SH3RF3: variants seen among roughly 807,000 people sequenced by gnomAD.
The protein encoded by SH3RF3 is E3 ubiquitin-protein ligase SH3RF3.
A neutral mutation model predicts 66.3 loss-of-function variants in SH3RF3; 29 were observed. That is an observed-to-expected ratio of 0.44 (90% confidence interval 0.33 to 0.60). SH3RF3 has a LOEUF of 0.60. Among genes scored for constraint, SH3RF3 ranks in the 20% least tolerant of loss-of-function variants. The pLI, the probability that SH3RF3 is intolerant of heterozygous loss-of-function variation, is 0.04. For synonymous variants in SH3RF3, 583 were observed against 532.0 expected, an observed-to-expected ratio of 1.10 and a Z score of -1.32; for missense variants, 1,194 against 1,190.9, an observed-to-expected ratio of 1.00 and a Z score of -0.04.
intron 1 of SH3RF3, among the ~76,000 whole-genome samples, chr2:109,139,266 G>T (rs1676883135): frequency 6.6e-6 from 1 of 152,140 alleles, no homozygotes; most frequent in Admixed American, 6.5e-5. Flanking sequence ...AATGTAGATT[G>T]TGCTAAATTA....
chr2:109,376,333 C>T (rs931499041), intron 3 of SH3RF3, among the ~76,000 whole-genome samples: 1 of 152,184 alleles, frequency 6.6e-6, no homozygotes, highest in Non-Finnish European at 1.5e-5. Context: ...CTCTTGGAAG[C>T]TGTCTTTAAG....
chr2:109,241,768 AT>A (rs201056229), intron 1 of SH3RF3, among the ~76,000 whole-genome samples: 16,325 of 143,154 alleles, frequency 0.11, 1,130 homozygotes, highest in East Asian at 0.23. Flanking sequence ...GTCTTGAATA[AT>A]TTTTTTTTTT....
intron 7 of SH3RF3, among the ~76,000 whole-genome samples, chr2:109,439,783 T>C (rs1448591240): frequency 2.0e-5 from 3 of 150,844 alleles, no homozygotes; most frequent in Admixed American, 1.3e-4. Context: ...TGCAGGGGTC[T>C]GGAAACAGAG....
chr2:109,337,548 C>T (rs1381645956), intron 1 of SH3RF3, among the ~76,000 whole-genome samples: 2 of 152,226 alleles, frequency 1.3e-5, no homozygotes, highest in African/African-American at 4.8e-5. Flanking sequence ...AGCGTTTCCA[C>T]CCTGCCCAAG....
In SH3RF3 at chr2:109,255,801, G is replaced by T. The variant is rs540536845; in HGVS notation, c.574-91873G>T. Among the ~76,000 whole-genome samples, 52 of 152,338 alleles carry T rather than the reference G, an allele frequency of 3.4e-4. 1 individual carries two copies. In the South Asian group the frequency reaches 0.011, roughly 32 times the overall value. The stretch of plus-strand genomic sequence containing the variant: ...TTAATGAAGACAAGGAAATGAAACC[G>T]CCCTGCCGACTGTTTGTGCTTTTAA... On this transcript the variant is annotated intron_variant, in intron 1 of 9. Transcript: ENST00000309415.
At chr2:109,330,726 TAAATG>T (rs1344335826) in intron 1 of SH3RF3, among the ~76,000 whole-genome samples, 3 of 151,964 alleles carry the variant, frequency 2.0e-5, no homozygotes, top group African/African-American at 7.3e-5. Context: ...AATAAACAAA[TAAATG>T]GAGAGATGGG....
intron 1 of SH3RF3, among the ~76,000 whole-genome samples, chr2:109,327,402 C>A (rs754695608): frequency 6.6e-6 from 1 of 152,172 alleles, no homozygotes; most frequent in Non-Finnish European, 1.5e-5. Flanking sequence ...TTAAACTATT[C>A]TTTTGTAATT....
intron 1 of SH3RF3, among the ~76,000 whole-genome samples, chr2:109,198,071 G>A (rs1214083257): frequency 6.6e-6 from 1 of 152,152 alleles, no homozygotes; most frequent in African/African-American, 2.4e-5. Flanking sequence ...CAGTGTGTCA[G>A]TTGGGGGTGC....
rs945931476 is a variant in SH3RF3, at chr2:109,144,691, G to A, written c.573+14578G>A. Among the ~76,000 whole-genome samples, 5 of 152,316 alleles carry A rather than the reference G, an allele frequency of 3.3e-5. No homozygotes were observed. The East Asian group carries it at 7.7e-4, about 24-fold the overall frequency. ...CCCGAGTCCTTATGCCACTGCACTG[G>A]GTCCAGGTTGGGCCACTCCCAGGCC... On this transcript the variant is annotated intron_variant, in intron 1 of 9. Coordinates refer to ENST00000309415, the MANE Select transcript of SH3RF3 (RefSeq NM_001099289.3).
intron 1 of SH3RF3, among the ~76,000 whole-genome samples, chr2:109,255,386 C>T (rs750566993): frequency 2.6e-5 from 4 of 152,148 alleles, no homozygotes; most frequent in Non-Finnish European, 5.9e-5. Context: ...AACTTTACCA[C>T]CACCAGGGAA....
intron 1 of SH3RF3, among the ~76,000 whole-genome samples, chr2:109,191,556 G>A (rs944257351): frequency 6.6e-6 from 1 of 152,168 alleles, no homozygotes; most frequent in Non-Finnish European, 1.5e-5. Context: ...CAGGCTTGAC[G>A]CTGCCTCCCA....
chr2:109,174,407 A>T (rs569525080), intron 1 of SH3RF3, among the ~76,000 whole-genome samples: 33 of 152,298 alleles, frequency 2.2e-4, no homozygotes, highest in African/African-American at 7.0e-4. Flanking sequence ...TGCAGTTGGC[A>T]GCCAATACTC....
chr2:109,291,768 G>A (rs533684518), intron 1 of SH3RF3, among the ~76,000 whole-genome samples: 27 of 152,346 alleles, frequency 1.8e-4, no homozygotes, highest in Admixed American at 5.9e-4. Context: ...ACTTGGTAAG[G>A]TCTCCAGTTT....
intron 7 of SH3RF3, among the ~76,000 whole-genome samples, chr2:109,442,672 TAATAA>T (rs550568377): frequency 6.2e-4 from 95 of 152,176 alleles, no homozygotes; most frequent in African/African-American, 2.2e-3. Context: ...TAAATGACTA[TAATAA>T]AATAAAGATG....
intron 1 of SH3RF3, among the ~76,000 whole-genome samples, chr2:109,238,650 GT>G (rs1679705553): frequency 6.6e-6 from 1 of 152,166 alleles, no homozygotes; most frequent in Non-Finnish European, 1.5e-5. Context: ...AACCCAGAGT[GT>G]GATGAATGGA....
At chr2:109,372,991 C>CT (rs1055074557) in intron 3 of SH3RF3, among the ~76,000 whole-genome samples, 1 of 152,216 alleles carries the variant, frequency 6.6e-6, no homozygotes, top group Admixed American at 6.5e-5. Context: ...AGTCCATAGT[C>CT]TATTTTGCAG....
Position 109,132,206 on chromosome 2 carries a change from C to G in SH3RF3, c.573+2093C>G, listed in dbSNP as rs867566836. On this transcript the variant is annotated intron_variant, in intron 1 of 9. Transcript: ENST00000309415. ...ATAAATATTACAGTCCCATCATTTT[C>G]CAATTAGAAGCTCCTTACATCTTCT... Among the ~76,000 whole-genome samples, 5 of 152,276 alleles carry G rather than the reference C, an allele frequency of 3.3e-5. No homozygotes were observed. In the South Asian group the frequency reaches 6.2e-4, roughly 19 times the overall value.
At chr2:109,314,842 C>T (rs1681833778) in intron 1 of SH3RF3, among the ~76,000 whole-genome samples, 1 of 152,316 alleles carries the variant, frequency 6.6e-6, no homozygotes, top group South Asian at 2.1e-4. Context: ...GAGAATCAGA[C>T]CACCAAAATA....
intron 1 of SH3RF3, among the ~76,000 whole-genome samples, chr2:109,191,402 TGTGAATACTATTTAGAAGAAA>T (rs1678359922): frequency 6.6e-6 from 1 of 152,230 alleles, no homozygotes. Context: ...GCATACCTAC[TGTGAATACTATTTAGAAGAAA>T]GTGGGGTGAG....
Sources: gnomAD v4.1 joint callset for allele counts (sites outside exome capture counted in the v4.1 genomes callset) on GRCh38, gnomAD v4.1.1 for gene constraint, MANE v1.5 for transcripts, NCBI Gene and HGNC (gene_info 2026-07-23, HGNC 2026-07-21) for gene names.